The following RAD50 variants were observed in gnomAD, a reference collection of about 807,000 sequenced individuals.
RAD50 encodes the protein DNA repair protein RAD50.
In RAD50, 132 loss-of-function variants were observed where a neutral mutation model predicts 168.8. That is an observed-to-expected ratio of 0.78 (90% confidence interval 0.68 to 0.90). The LOEUF (loss-of-function observed/expected upper bound fraction) is 0.90. Ranked by LOEUF, RAD50 falls within the 40% of genes least tolerant of loss-of-function variation. RAD50 has a pLI of 0.00. For synonymous variants in RAD50, 525 were observed against 497.4 expected, an observed-to-expected ratio of 1.06 and a Z score of -0.74; for missense variants, 1,347 against 1,534.4, an observed-to-expected ratio of 0.88 and a Z score of 2.04.
intron 2 of RAD50, among the ~76,000 whole-genome samples, chr5:132,569,767 A>T (rs886259958): frequency 1.1e-4 from 16 of 152,208 alleles, no homozygotes; most frequent in Admixed American, 6.5e-4. Context: ...ATAAGGAGTA[A>T]AGTCATAGAT....
At chr5:132,623,185 C>T (rs1343832091) in intron 21 of RAD50, among the ~76,000 whole-genome samples, 4 of 152,072 alleles carry the variant, frequency 2.6e-5, no homozygotes, top group African/African-American at 7.2e-5. Context: ...AAAACAATAA[C>T]GCCAAGTTCA....
Position 132,637,152 on chromosome 5 carries a change from A to G in RAD50, c.3427A>G (p.Ile1143Val), listed in dbSNP as rs1554100861. 1 of 1,612,024 alleles carries G rather than the reference A, an allele frequency of 6.2e-7. No homozygotes were observed. The highest frequency in any genetic ancestry group is 8.5e-7 in the Non-Finnish European group (1 of 1,178,800). Residue 1143 changes from isoleucine to valine, a missense_variant, in exon 22 of 25, where the codon ATC (isoleucine) becomes GTC (valine). Transcript: ENST00000378823. Reference protein sequence around the residue: ...MKFHSMKMEEINKIIRDLWRS... With the variant: ...MKFHSMKMEEVNKIIRDLWRS... ...ATTTCACAGTATGAAAATGGAAGAA[A>G]TCAATAAAATTATACGTGACCTGTG...
In RAD50 at chr5:132,645,946, G is replaced by C. The variant is rs1337138218; in HGVS notation, c.*3582G>C. On this transcript the variant is annotated 3_prime_UTR_variant, in exon 25 of 25. Transcript: ENST00000378823. ...CATAAAATTTTTAAAAAATTAGCAAGGCATGGTGGTGCACACCTGTAGTCT... is the reference window on the plus strand; with the variant it reads ...CATAAAATTTTTAAAAAATTAGCAACGCATGGTGGTGCACACCTGTAGTCT... The C allele has an allele frequency of 6.6e-6, 1 of 152,068 alleles. No homozygotes were observed. Among genetic ancestry groups the C allele is most frequent in the African/African-American group, 2.4e-5 (1 of 41,400 alleles). The allele number at this position is 152,068 out of a possible 1,614,324, so 9.4% of individuals were successfully genotyped here. A position where few individuals can be genotyped will look rare whatever the true frequency, so the allele number is the denominator to read the frequency against.
rs1281337925 is a variant in RAD50, at chr5:132,604,813, T to TA, written c.2534dup (p.Ile846AspfsTer2). 1.2e-6 allele frequency: 2 copies of TA among 1,608,640 alleles called. No homozygotes were observed. The highest frequency in any genetic ancestry group is 1.7e-6 in the Non-Finnish European group (2 of 1,175,412). On this transcript the variant is annotated frameshift_variant, in exon 16 of 25. Transcript: ENST00000378823. LOFTEE classifies it high-confidence loss of function. ...TAATATGTTTTTGTGTAGTTTCTAGTAAGATTGAATTGAATCGTAAGCTTA... is the reference window on the plus strand; with the variant it reads ...TAATATGTTTTTGTGTAGTTTCTAGTAAAGATTGAATTGAATCGTAAGCTTA...
At chr5:132,580,609 AG>A in intron 5 of RAD50, among the ~76,000 whole-genome samples, 1 of 152,362 alleles carries the variant, frequency 6.6e-6, no homozygotes, top group Admixed American at 6.5e-5. Flanking sequence ...AAAATTGCAC[AG>A]AATTTGGAAT....
chr5:132,631,447 A>G (rs1208439862), intron 21 of RAD50, among the ~76,000 whole-genome samples: 1 of 152,016 alleles, frequency 6.6e-6, no homozygotes, highest in Admixed American at 6.6e-5. Context: ...GTTTTCACAA[A>G]GAAATCATAC....
At chr5:132,602,142 T>A (rs1409407567) in intron 13 of RAD50, among the ~76,000 whole-genome samples, 4 of 152,122 alleles carry the variant, frequency 2.6e-5, no homozygotes, top group Non-Finnish European at 4.4e-5. Flanking sequence ...AAATAAATAA[T>A]TAAAAAATTT....
At chr5:132,601,253 C>G (rs570446694) in intron 13 of RAD50, among the ~76,000 whole-genome samples, 4 of 152,302 alleles carry the variant, frequency 2.6e-5, no homozygotes, top group African/African-American at 9.6e-5. Flanking sequence ...CAGCCTCAGC[C>G]TCCCAAAGTG....
chr5:132,623,444 G>C (rs1019387502), intron 21 of RAD50, among the ~76,000 whole-genome samples: 5 of 152,170 alleles, frequency 3.3e-5, no homozygotes, highest in Admixed American at 1.3e-4. Context: ...TTGCACCACT[G>C]CACTCCAGCC....
chr5:132,576,683 T>C (rs1010747794), intron 3 of RAD50, among the ~76,000 whole-genome samples: 2 of 151,902 alleles, frequency 1.3e-5, no homozygotes, highest in African/African-American at 2.4e-5. Flanking sequence ...CCTGTCTCCT[T>C]CTTCTCCTTT....
chr5:132,593,643 T>C (rs1290270341), intron 11 of RAD50: 6 of 152,190 alleles, frequency 3.9e-5, no homozygotes, highest in Non-Finnish European at 8.8e-5. Context: ...GTAGAAGGAC[T>C]TGGCTTTGGT....
chr5:132,595,768 A>G lies in RAD50; in HGVS notation c.2165A>G (p.Lys722Arg), dbSNP rs1173949737. 6.2e-7 allele frequency: 1 copy of G among 1,613,226 alleles called. No individual in the cohort carries two copies. The highest frequency in any genetic ancestry group is 8.5e-7 in the Non-Finnish European group (1 of 1,179,552). ...TCAACAGAATCAGAGCTAAAAAAAA[A>G]GGAAAAGCGGCGTGATGAAATGCTG... ...LKSTESELKK[K>R]EKRRDEMLGL... Residue 722 changes from lysine to arginine, a missense_variant, in exon 13 of 25, where the codon AAG becomes AGG. Lys to Arg is a conservative substitution (Grantham distance 26, BLOSUM62 2). This residue lies in a region of RAD50 where 635 missense variants were observed against 739.2 expected (regional missense o/e 0.86). Transcript: ENST00000378823.
intron 21 of RAD50, among the ~76,000 whole-genome samples, chr5:132,628,762 G>T (rs912687850): frequency 6.6e-6 from 1 of 151,922 alleles, no homozygotes; most frequent in Non-Finnish European, 1.5e-5. Context: ...CAGGAGAATC[G>T]CCTGAACCCG....
At chr5:132,639,165 T>TAACA (rs1422664082) in intron 23 of RAD50, among the ~76,000 whole-genome samples, 1 of 151,908 alleles carries the variant, frequency 6.6e-6, no homozygotes, top group African/African-American at 2.4e-5. Context: ...GAGACCAGCC[T>TAACA]AACATGGTGA....
intron 17 of RAD50, 64 bp downstream of exon 17, chr5:132,608,789 C>T (rs906647965): frequency 1.8e-5 from 27 of 1,517,008 alleles, no homozygotes; most frequent in African/African-American, 4.2e-5. Context: ...CATAGCACCA[C>T]GTCGGACACT....
At chr5:132,588,121 C>T (rs201503622) in intron 7 of RAD50, 32 bp downstream of exon 7, 1 of 1,583,892 alleles carries the variant, frequency 6.3e-7, no homozygotes, top group South Asian at 1.1e-5. Flanking sequence ...GTCGTTTTTC[C>T]TACTATGATG....
At position 132,638,206 on chromosome 5, in the gene RAD50, T is replaced by C. The variant is rs377415802; in HGVS notation, c.3601T>C (p.Cys1201Arg). 3.2e-5 allele frequency: 51 copies of C among 1,614,038 alleles called. No homozygotes were observed. The highest frequency in any genetic ancestry group is 4.3e-5 in the Non-Finnish European group (51 of 1,180,028). ...CACAGCCTTGGATATGCGAGGACGA[T>C]GCAGTGCTGGACAAAAGGCAGGTAT... is the stretch of plus-strand genomic sequence containing the variant. ...GDTALDMRGR[C>R]SAGQKVLASL... is the part of the protein sequence containing the mutation. The change falls in exon 23 of 25, where the codon TGC (cysteine) becomes CGC (arginine). Residue 1201 changes from cysteine to arginine, a missense_variant. Cys to Arg is a radical substitution (Grantham distance 180). Transcript: ENST00000378823.
At chr5:132,604,085 T>C in intron 15 of RAD50, 39 bp downstream of exon 15, 1 of 1,609,366 alleles carries the variant, frequency 6.2e-7, no homozygotes, top group Non-Finnish European at 8.5e-7. Flanking sequence ...ATAGAGACTT[T>C]GACATTGCGA....
chr5:132,601,141 C>T (rs567938379), intron 13 of RAD50, among the ~76,000 whole-genome samples: 3 of 152,238 alleles, frequency 2.0e-5, no homozygotes, highest in South Asian at 2.1e-4. Context: ...GGATTACAGG[C>T]GCCCTTCACC....
Sources: allele counts gnomAD v4.1 joint callset (sites outside exome capture counted in the v4.1 genomes callset), GRCh38; gene constraint gnomAD v4.1.1; regional missense constraint gnomAD v4.1.1; transcripts MANE v1.5; gene names NCBI Gene and HGNC (gene_info 2026-07-23, HGNC 2026-07-21).